ZNF248: variants seen among roughly 807,000 people sequenced by gnomAD.
ZNF248 encodes KRAB protein domain.
A neutral mutation model predicts 44.3 loss-of-function variants in ZNF248; 20 were observed. The observed-to-expected ratio is 0.45, with a 90% confidence interval of 0.32 to 0.66. ZNF248 has a LOEUF of 0.66. Ranked by LOEUF, ZNF248 falls within the 30% of genes least tolerant of loss-of-function variation. The probability of loss-of-function intolerance (pLI) is 0.04; values close to 1 mark genes in which losing one functional copy is unlikely to be tolerated. For synonymous variants in ZNF248, 224 were observed against 229.0 expected (o/e 0.98, Z 0.20); for missense variants, 654 against 677.0 (o/e 0.97, Z 0.38).
At chr10:37,791,870 T>G (rs2048589737) in intron 6 of ZNF248, 1 of 152,188 alleles carries the variant, frequency 6.6e-6, no homozygotes. Flanking sequence ...CTGAAACAGT[T>G]TATGCCTTAC....
the ZNF248 span, among the ~76,000 whole-genome samples, chr10:37,762,620 G>C: frequency 6.6e-6 from 1 of 152,198 alleles, no homozygotes; most frequent in Non-Finnish European, 1.5e-5. Context: ...GAAGGTTAAA[G>C]TATTTATAGC....
rs1308396612 is a variant in ZNF248, at chr10:37,780,099, T to A, written c.331-3524A>T. ...AAAATGGCCATACTGCCCAAGGTAA[T>A]TTACAGATTCAATGCCATCCCCATC... On this transcript the variant is annotated intron_variant, in intron 6 of 6. Transcript: ENST00000615949. Among the ~76,000 whole-genome samples, 3 of 149,754 alleles carry A rather than the reference T, an allele frequency of 2.0e-5. No individual in the cohort carries two copies. The Admixed American group carries it at 2.0e-4, about 10-fold the overall frequency.
intron 3 of ZNF248, among the ~76,000 whole-genome samples, chr10:37,843,160 T>C (rs1375484776): frequency 6.6e-6 from 1 of 152,128 alleles, no homozygotes; most frequent in Non-Finnish European, 1.5e-5. Flanking sequence ...AAATAGCATA[T>C]GGCCGAGCAT....
chr10:37,781,552 A>G (rs1589009738), intron 6 of ZNF248, among the ~76,000 whole-genome samples: 1 of 151,454 alleles, frequency 6.6e-6, no homozygotes, highest in South Asian at 2.2e-4. Context: ...GCCTCAGTAC[A>G]CCCCTTAGCC....
the ZNF248 span, among the ~76,000 whole-genome samples, chr10:37,764,665 G>A: frequency 9.0e-3 from 1,363 of 151,958 alleles, 10 homozygotes; most frequent in Non-Finnish European, 0.015. Flanking sequence ...TCTCAGATAG[G>A]CCGACACCGG....
intron 6 of ZNF248, among the ~76,000 whole-genome samples, chr10:37,816,276 C>T (rs534685896): frequency 5.3e-5 from 8 of 152,160 alleles, no homozygotes; most frequent in Non-Finnish European, 1.2e-4. Context: ...TGTGTTTACA[C>T]CTCCGTGTCT....
At chr10:37,857,043 T>C (rs1285787917) in intron 1 of ZNF248, 142 bp downstream of exon 1, 1 of 152,450 alleles carries the variant, frequency 6.6e-6, no homozygotes, top group African/African-American at 2.4e-5. Flanking sequence ...GCAGCTCATC[T>C]GGATGTGCCC....
chr10:37,761,510 A>T, the ZNF248 span, among the ~76,000 whole-genome samples: 6 of 152,256 alleles, frequency 3.9e-5, no homozygotes, highest in African/African-American at 1.4e-4. Flanking sequence ...TAGTAAACAT[A>T]TTTTAAATAT....
intron 3 of ZNF248, among the ~76,000 whole-genome samples, chr10:37,849,684 CA>C (rs764707172): frequency 8.2e-4 from 111 of 134,724 alleles, no homozygotes; most frequent in East Asian, 4.1e-3. Flanking sequence ...GAGACTGTCT[CA>C]AAAAAAAAAA....
intron 3 of ZNF248, among the ~76,000 whole-genome samples, chr10:37,840,385 C>T (rs920997799): frequency 4.6e-5 from 7 of 152,258 alleles, no homozygotes; most frequent in African/African-American, 1.4e-4. Flanking sequence ...TGAATGGTCA[C>T]GTCACCAAAG....
chr10:37,839,437 T>C (rs1194151451), intron 3 of ZNF248, among the ~76,000 whole-genome samples: 1 of 151,690 alleles, frequency 6.6e-6, no homozygotes, highest in East Asian at 1.9e-4. Flanking sequence ...CAATATATGC[T>C]GAGTCATCCT....
At chr10:37,821,363 C>T (rs2053435529) in intron 6 of ZNF248, among the ~76,000 whole-genome samples, 1 of 152,080 alleles carries the variant, frequency 6.6e-6, no homozygotes, top group African/African-American at 2.4e-5. Context: ...ATTACCTGTC[C>T]AGTCACATAT....
intron 6 of ZNF248, chr10:37,818,541 G>A: frequency 3.1e-6 from 1 of 326,608 alleles, no homozygotes; most frequent in South Asian, 4.0e-5. Flanking sequence ...TTCCAAACCT[G>A]CTGCTAAATG....
intron 6 of ZNF248, among the ~76,000 whole-genome samples, chr10:37,814,418 C>T (rs893356901): frequency 3.3e-5 from 5 of 152,188 alleles, no homozygotes; most frequent in African/African-American, 1.2e-4. Flanking sequence ...GAATTACTAA[C>T]CAAAGTTACA....
Position 37,830,223 on chromosome 10 carries a change from A to G in ZNF248, c.*1392T>C, listed in dbSNP as rs2055261711. 1.0e-6 allele frequency: 1 copy of G among 985,412 alleles called. No homozygotes were observed. Among genetic ancestry groups the G allele is most frequent in the East Asian group, 1.1e-4 (1 of 8,808 alleles). 61.0% of individuals were successfully genotyped at this position (985,412 alleles called of 1,614,324 possible). ...CCTTTGCATAATTTATGTAAAAACC[A>G]TTCTTATTAACAACATTTACATTAC... On this transcript the variant is annotated 3_prime_UTR_variant, in exon 6 of 6. Coordinates refer to ENST00000395867, the MANE Select transcript of ZNF248 (RefSeq NM_021045.3).
chr10:37,779,377 T>C (rs1223034782), intron 6 of ZNF248, among the ~76,000 whole-genome samples: 2 of 152,106 alleles, frequency 1.3e-5, no homozygotes, highest in East Asian at 1.9e-4. Flanking sequence ...AATCAATAAA[T>C]GTAATCCAGC....
At chr10:37,818,985 G>A (rs1042711720) in intron 6 of ZNF248, 113 of 1,012,616 alleles carry the variant, frequency 1.1e-4, no homozygotes, top group Admixed American at 1.7e-5. Flanking sequence ...CAAAACTCTG[G>A]TGTTAAATTG....
At chr10:37,762,977 T>C in the ZNF248 span, among the ~76,000 whole-genome samples, 2 of 152,214 alleles carry the variant, frequency 1.3e-5, no homozygotes, top group African/African-American at 4.8e-5. Flanking sequence ...AAAAACACTG[T>C]TGGGCTTCTT....
At chr10:37,850,082 A>G (rs891189769) in intron 3 of ZNF248, among the ~76,000 whole-genome samples, 8 of 152,152 alleles carry the variant, frequency 5.3e-5, no homozygotes, top group African/African-American at 1.9e-4. Context: ...TAAAAAAAAA[A>G]TGGCTAACAA....
Sources: gnomAD v4.1 joint callset for allele counts (sites outside exome capture counted in the v4.1 genomes callset) on GRCh38, gnomAD v4.1.1 for gene constraint, MANE v1.5 for transcripts, NCBI Gene and HGNC (gene_info 2026-07-23, HGNC 2026-07-21) for gene names.